Variants in RGS17 observed in about 807,000 individuals in gnomAD.
RGS17 encodes regulator of G protein signaling 17, also known as regulator of G-protein signaling 17.
RGS17 carries 12 observed loss-of-function variants against 25.5 expected under a neutral mutation model. The observed-to-expected ratio is 0.47, with a 90% CI of 0.30 to 0.76. The LOEUF (loss-of-function observed/expected upper bound fraction) is 0.76. Among genes scored for constraint, RGS17 ranks in the 30% least tolerant of loss-of-function variants. RGS17 has a pLI of 0.07. For synonymous variants in RGS17, 71 were observed against 76.9 expected (o/e 0.92, Z 0.40); for missense variants, 196 against 242.2 (o/e 0.81, Z 1.27).
At chr6:153,097,955 T>C (rs1459845493) in intron 1 of RGS17, among the ~76,000 whole-genome samples, 3 of 152,120 alleles carry the variant, frequency 2.0e-5, no homozygotes, top group African/African-American at 7.2e-5. Context: ...GTTCAATAGG[T>C]GGAATAAGTA....
At chr6:153,069,318 A>G (rs7750523) in intron 1 of RGS17, among the ~76,000 whole-genome samples, 58,400 of 152,062 alleles carry the variant, frequency 0.38, 11,909 homozygotes, top group East Asian at 0.62. Flanking sequence ...ATGGAACTGG[A>G]GTTCATTATG....
At chr6:153,080,776 C>T (rs1257245618) in intron 1 of RGS17, among the ~76,000 whole-genome samples, 1 of 151,662 alleles carries the variant, frequency 6.6e-6, no homozygotes, top group Non-Finnish European at 1.5e-5. Context: ...CTAAGCACTA[C>T]TTTAGCTGCA....
intron 1 of RGS17, among the ~76,000 whole-genome samples, chr6:153,073,096 A>C (rs921467778): frequency 6.6e-6 from 1 of 152,226 alleles, no homozygotes; most frequent in Non-Finnish European, 1.5e-5. Flanking sequence ...TTAGTTTGTA[A>C]TGAAAGTTTG....
chr6:153,052,323 G>T (rs1269007439), intron 1 of RGS17, among the ~76,000 whole-genome samples: 2 of 152,128 alleles, frequency 1.3e-5, no homozygotes, highest in Non-Finnish European at 2.9e-5. Context: ...CTCCAGCCCT[G>T]AGATATGGAG....
intron 1 of RGS17, among the ~76,000 whole-genome samples, chr6:153,058,382 T>C (rs1384078501): frequency 6.6e-6 from 1 of 152,234 alleles, no homozygotes; most frequent in Non-Finnish European, 1.5e-5. Context: ...AAAGGCTTAG[T>C]CAGTGAGGAA....
At chr6:153,064,179 A>G (rs1226307880) in intron 1 of RGS17, among the ~76,000 whole-genome samples, 6 of 152,252 alleles carry the variant, frequency 3.9e-5, no homozygotes, top group Admixed American at 3.9e-4. Context: ...AAGTACACAG[A>G]AAAACACAGA....
chr6:153,021,230 C>T (rs1166419873), intron 4 of RGS17, among the ~76,000 whole-genome samples: 1 of 152,188 alleles, frequency 6.6e-6, no homozygotes, highest in Non-Finnish European at 1.5e-5. Context: ...ATCCTGTGCA[C>T]CTGAATATTA....
intron 4 of RGS17, 94 bp from the exon 5 acceptor site, chr6:153,011,856 T>A: frequency 1.1e-6 from 1 of 891,512 alleles, no homozygotes; most frequent in Non-Finnish European, 1.7e-6. Flanking sequence ...AGAGAAACTT[T>A]AAAGAGCAAA....
rs1247396382 is a variant in RGS17 at position 153,009,250 on chromosome 6, T to A, written c.*2324A>T. On this transcript the variant is annotated 3_prime_UTR_variant, in exon 5 of 5. Coordinates refer to ENST00000206262, the MANE Select transcript of RGS17 (RefSeq NM_012419.5). Reference sequence around the variant, plus strand: ...ATCATATATAGTAACAACGAGAATATAAAGTCTACATTTAAAAAGATGGAT... The same window carrying A: ...ATCATATATAGTAACAACGAGAATAAAAAGTCTACATTTAAAAAGATGGAT... 6.6e-6 allele frequency: 1 copy of A among 152,110 alleles called. No homozygotes were observed. The highest frequency in any genetic ancestry group is 1.5e-5 in the Non-Finnish European group (1 of 67,968). 9.4% of individuals were successfully genotyped at this position (152,110 alleles called of 1,614,324 possible). A position where few individuals can be genotyped will look rare whatever the true frequency, so the allele number is the denominator to read the frequency against.
At chr6:153,028,746 G>A (rs1779330092) in intron 2 of RGS17, among the ~76,000 whole-genome samples, 1 of 152,148 alleles carries the variant, frequency 6.6e-6, no homozygotes, top group Non-Finnish European at 1.5e-5. Flanking sequence ...CTATGTGTGT[G>A]TGCAAACACA....
At chr6:153,020,888 G>T (rs1259511637) in intron 4 of RGS17, among the ~76,000 whole-genome samples, 2 of 152,202 alleles carry the variant, frequency 1.3e-5, no homozygotes, top group Admixed American at 6.5e-5. Flanking sequence ...CTGTGTTTAA[G>T]TAGATTCTGA....
intron 1 of RGS17, among the ~76,000 whole-genome samples, chr6:153,104,564 C>A (rs1291777614): frequency 2.6e-5 from 4 of 152,162 alleles, no homozygotes; most frequent in Non-Finnish European, 5.9e-5. Flanking sequence ...TTGCACATGT[C>A]AGACGGATTC....
At chr6:153,029,577 T>TC (rs970486598) in intron 2 of RGS17, among the ~76,000 whole-genome samples, 11 of 151,870 alleles carry the variant, frequency 7.2e-5, no homozygotes, top group Non-Finnish European at 1.2e-4. Flanking sequence ...AGAGACACTT[T>TC]TTTTTTTCTT....
At chr6:153,075,940 C>T (rs1051268466) in intron 1 of RGS17, among the ~76,000 whole-genome samples, 2 of 152,046 alleles carry the variant, frequency 1.3e-5, no homozygotes, top group Non-Finnish European at 1.5e-5. Flanking sequence ...TGCTTATTTA[C>T]AGTAGGCGGG....
intron 4 of RGS17, among the ~76,000 whole-genome samples, chr6:153,021,964 T>A (rs568229548): frequency 6.6e-6 from 1 of 152,090 alleles, no homozygotes; most frequent in Admixed American, 6.6e-5. Flanking sequence ...TCCCAGCACT[T>A]TGGGAGGCTG....
chr6:153,051,163 C>T (rs1028304804), intron 1 of RGS17, among the ~76,000 whole-genome samples: 11 of 152,186 alleles, frequency 7.2e-5, no homozygotes, highest in Non-Finnish European at 1.3e-4. Context: ...TTTATTATAG[C>T]AGCCCAAACT....
intron 1 of RGS17, among the ~76,000 whole-genome samples, chr6:153,125,123 G>A: frequency 6.6e-6 from 1 of 152,184 alleles, no homozygotes; most frequent in East Asian, 1.9e-4. Flanking sequence ...CCCAGGTTGT[G>A]TCTGTTTTAC....
At chr6:153,026,711 T>C (rs992723272) in intron 2 of RGS17, among the ~76,000 whole-genome samples, 168 bp from the exon 3 acceptor site, 17 of 152,254 alleles carry the variant, frequency 1.1e-4, no homozygotes, top group Admixed American at 4.6e-4. Context: ...CAAGCCCATG[T>C]CAAAGGGAAG....
At chr6:153,061,266 G>A (rs1424443104) in intron 1 of RGS17, among the ~76,000 whole-genome samples, 3 of 152,120 alleles carry the variant, frequency 2.0e-5, no homozygotes, top group Admixed American at 1.3e-4. Flanking sequence ...AATACTGCAT[G>A]GTGACAACAA....
Sources: gnomAD v4.1 joint callset for allele counts (sites outside exome capture counted in the v4.1 genomes callset) on GRCh38, gnomAD v4.1.1 for gene constraint, MANE v1.5 for transcripts, NCBI Gene and HGNC (gene_info 2026-07-23, HGNC 2026-07-21) for gene names.